Variants in CAMSAP1 observed in about 807,000 individuals in gnomAD.
CAMSAP1 encodes the protein calmodulin regulated spectrin associated protein 1.
A neutral mutation model predicts 143.5 loss-of-function variants in CAMSAP1; 58 were observed. The ratio of observed to expected loss-of-function variants is 0.40; its 90% confidence interval spans 0.33 to 0.50. CAMSAP1 has a LOEUF of 0.50. Among genes scored for constraint, CAMSAP1 ranks in the 20% least tolerant of loss-of-function variants. CAMSAP1 has a pLI of 0.45. For missense variants in CAMSAP1, 1,969 were observed against 2,115.7 expected (o/e 0.93, Z 1.36); for synonymous variants, 945 against 859.3 (o/e 1.10, Z -1.74).
At chr9:135,861,164 G>A (rs943184095) in intron 5 of CAMSAP1, among the ~76,000 whole-genome samples, 7 of 152,176 alleles carry the variant, frequency 4.6e-5, no homozygotes, top group African/African-American at 1.7e-4. Context: ...CCCAGTCACA[G>A]CTCCTGACAG....
chr9:135,893,126 C>T (rs1377194176), intron 1 of CAMSAP1, among the ~76,000 whole-genome samples: 1 of 151,674 alleles, frequency 6.6e-6, no homozygotes, highest in African/African-American at 2.4e-5. Flanking sequence ...GCCATGAATG[C>T]ACCACTGCAC....
At position 135,820,377 on chromosome 9, in the gene CAMSAP1, A is replaced by T. The variant is rs1003907185; in HGVS notation, c.3822+462T>A. The stretch of plus-strand genomic sequence containing the variant: ...CGCTTCCCTTCATATCTAAGGAAAA[A>T]ATTACAAGAAAAACATACAAAAAAT... On this transcript the variant is annotated intron_variant, in intron 11 of 16. Transcript: ENST00000389532. This position sits in a 1 kb window ranked among gnomAD's most constrained non-coding sequence, Gnocchi z 4.4. 6.6e-6 allele frequency among the ~76,000 whole-genome samples: 1 copy of T among 152,130 alleles called. No homozygotes were observed. Among genetic ancestry groups the T allele is most frequent in the African/African-American group, 2.4e-5 (1 of 41,418 alleles).
chr9:135,815,165 G>A lies in CAMSAP1; in HGVS notation c.4438C>T (p.His1480Tyr), dbSNP rs1252445116. Residue 1480 changes from histidine (H) to tyrosine (Y), a missense_variant, in exon 16 of 17, where the codon CAC (histidine) becomes TAC (tyrosine). Physicochemically the swap from His to Tyr is moderately conservative, Grantham distance 83. Transcript: ENST00000389532. ...AGGCAGCAATGGGATATGGCATTGT[G>A]AATAATCGGCTTGTTTGATTTACTA... ...PSSKSNKPIIHNAISHCCLAG... is the reference protein window; with the variant it reads ...PSSKSNKPIIYNAISHCCLAG... The A allele has an allele frequency of 1.9e-6, 3 of 1,613,898 alleles. No individual in the cohort carries two copies. The highest frequency in any genetic ancestry group is 2.5e-6 in the Non-Finnish European group (3 of 1,179,864).
intron 14 of CAMSAP1, among the ~76,000 whole-genome samples, chr9:135,817,145 T>C (rs2131642378): frequency 6.6e-6 from 1 of 152,298 alleles, no homozygotes; most frequent in Admixed American, 6.5e-5. Context: ...CGAAGGAGAC[T>C]ACAGGGACAT....
intron 5 of CAMSAP1, among the ~76,000 whole-genome samples, chr9:135,859,709 T>A (rs1018780740): frequency 3.3e-5 from 5 of 152,038 alleles, no homozygotes; most frequent in African/African-American, 1.2e-4. Context: ...TGCCATTTTT[T>A]AAAATCCATT....
Position 135,834,734 on chromosome 9 carries a change from C to A in CAMSAP1, c.1046-7150G>T, listed in dbSNP as rs74588014. ...CTATAGTTAGCAATACTATGTTGTCCGTTTGAGATCTGCTGAAAGATTTTA... is the reference window on the plus strand; with the variant it reads ...CTATAGTTAGCAATACTATGTTGTCAGTTTGAGATCTGCTGAAAGATTTTA... On this transcript the variant is annotated intron_variant, in intron 7 of 16. Coordinates refer to ENST00000389532, the MANE Select transcript of CAMSAP1 (RefSeq NM_015447.4). 9.4e-3 allele frequency among the ~76,000 whole-genome samples: 1,424 copies of A among 152,102 alleles called. 38 individuals carry two copies. The East Asian group carries it at 0.1, about 11-fold the overall frequency.
intron 3 of CAMSAP1, among the ~76,000 whole-genome samples, chr9:135,869,954 C>T (rs1227687343): frequency 2.0e-5 from 3 of 152,192 alleles, no homozygotes; most frequent in African/African-American, 4.8e-5. Context: ...TGATACCATT[C>T]ATAAAAACTG....
At position 135,821,118 on chromosome 9, in the gene CAMSAP1, A is replaced by G; in HGVS notation, c.3543T>C (p.Thr1181=). 2 of 1,613,682 alleles carry G rather than the reference A, an allele frequency of 1.2e-6. No individual in the cohort carries two copies. Among genetic ancestry groups the G allele is most frequent in the African/African-American group, 2.7e-5 (2 of 75,074 alleles). ...TGTTGGCATCTTTGGAAGAGGACAG[A>G]GTAAGTGTCCGCTGATTGCTTTCAT... ...LHDESNQRTL[T]LSSSKDANIL... Residue 1181 remains threonine (T), a synonymous_variant, in exon 11 of 17, where the codon ACT becomes ACC. Coordinates refer to ENST00000389532, the MANE Select transcript of CAMSAP1 (RefSeq NM_015447.4). This position sits in a 1 kb window ranked among gnomAD's most constrained non-coding sequence, Gnocchi z 4.6.
intron 14 of CAMSAP1, 173 bp downstream of exon 14, chr9:135,817,804 G>C: frequency 1.6e-6 from 1 of 608,840 alleles, no homozygotes; most frequent in Non-Finnish European, 2.9e-6. Flanking sequence ...TGGGGAGCCC[G>C]TGTGAAGGGC....
rs551381176 is a variant in CAMSAP1 at position 135,837,636 on chromosome 9, G to A, written c.1046-10052C>T. On this transcript the variant is annotated intron_variant, in intron 7 of 16. Transcript: ENST00000389532. ...CTGTTGTACAGACACACGTCATCACGCACTTTCTACCCCTTCTACAGACAC... is the reference window on the plus strand; with the variant it reads ...CTGTTGTACAGACACACGTCATCACACACTTTCTACCCCTTCTACAGACAC... Among the ~76,000 whole-genome samples the A allele has an allele frequency of 1.5e-3, 216 of 147,900 alleles. 2 individuals carry two copies. Among genetic ancestry groups the A allele is most frequent in the African/African-American group, 4.9e-3 (197 of 39,852 alleles).
intron 7 of CAMSAP1, 24 bp from the exon 8 acceptor site, chr9:135,827,608 C>T (rs938113503): frequency 5.2e-6 from 8 of 1,539,752 alleles, no homozygotes; most frequent in South Asian, 3.6e-5. Flanking sequence ...GTTTTTGCAT[C>T]GTTACTTACA....
intron 5 of CAMSAP1, among the ~76,000 whole-genome samples, chr9:135,854,103 T>C (rs1054869872): frequency 4.6e-5 from 7 of 152,260 alleles, no homozygotes; most frequent in Non-Finnish European, 7.3e-5. Context: ...TCTGGGACAC[T>C]TGACATAACA....
rs745808873 is a variant in CAMSAP1 at position 135,827,468 on chromosome 9, C to A, written c.1162G>T (p.Val388Leu). The change falls in exon 8 of 17, where the codon GTG (valine) becomes TTG (leucine). Residue 388 changes from valine (V) to leucine (L), a missense_variant. Val to Leu is a conservative substitution (Grantham distance 32). Coordinates refer to ENST00000389532, the MANE Select transcript of CAMSAP1 (RefSeq NM_015447.4). ...TGACAGCCTTCCGCCGGCAGCTGCA[C>A]GGGGGGCTGCAGCTCAGCCAGGGTC... is the stretch of plus-strand genomic sequence containing the variant. ...AGTLAELQPP[V>L]QLPAEGCHRH... 2 of 1,608,524 alleles carry A rather than the reference C, an allele frequency of 1.2e-6. No homozygotes were observed. Among genetic ancestry groups the A allele is most frequent in the African/African-American group, 1.3e-5 (1 of 74,840 alleles).
At chr9:135,868,745 T>C (rs779206302) in intron 3 of CAMSAP1, among the ~76,000 whole-genome samples, 52 of 150,396 alleles carry the variant, frequency 3.5e-4, no homozygotes, top group Non-Finnish European at 6.9e-4. Context: ...GCCTCCTGAA[T>C]AGTTGGGACT....
chr9:135,852,681 C>T (rs56988536), intron 5 of CAMSAP1, among the ~76,000 whole-genome samples: 27,113 of 152,094 alleles, frequency 0.18, 2,781 homozygotes, highest in African/African-American at 0.26. Context: ...CATGTGACTG[C>T]CCCGGAACCA....
At chr9:135,833,078 C>CTT (rs56081448) in intron 7 of CAMSAP1, among the ~76,000 whole-genome samples, 8 of 96,520 alleles carry the variant, frequency 8.3e-5, no homozygotes, top group Admixed American at 1.2e-4. Flanking sequence ...CCACAGTAAT[C>CTT]TTTTTTTTTT....
At position 135,877,122 on chromosome 9, in the gene CAMSAP1, G is replaced by A. The variant is rs118047382; in HGVS notation, c.585+4511C>T. On this transcript the variant is annotated intron_variant, in intron 3 of 16. Coordinates refer to ENST00000389532, the MANE Select transcript of CAMSAP1 (RefSeq NM_015447.4). ...TCCATCAACAGGTGGACAGATAAAC[G>A]AACCATGGTATATGCACACGATGGA... 3.3e-4 allele frequency among the ~76,000 whole-genome samples: 50 copies of A among 152,110 alleles called. No homozygotes were observed. The South Asian group carries it at 6.2e-3, about 19-fold the overall frequency.
At chr9:135,889,026 G>T (rs1051439792) in intron 1 of CAMSAP1, among the ~76,000 whole-genome samples, 1 of 152,224 alleles carries the variant, frequency 6.6e-6, no homozygotes, top group Non-Finnish European at 1.5e-5. Context: ...CCCTCAGAGA[G>T]GGGAGAGGAT....
At chr9:135,895,370 A>G (rs1215534921) in intron 1 of CAMSAP1, among the ~76,000 whole-genome samples, 1 of 152,208 alleles carries the variant, frequency 6.6e-6, no homozygotes, top group Non-Finnish European at 1.5e-5. Flanking sequence ...ACAAGGGAAC[A>G]CCAGCTCCAA....
Sources: gnomAD v4.1 joint callset for allele counts (sites outside exome capture counted in the v4.1 genomes callset) on GRCh38, gnomAD v4.1.1 for gene constraint, Gnocchi (gnomAD v3.1) non-coding constraint, MANE v1.5 for transcripts, NCBI Gene and HGNC (gene_info 2026-07-23, HGNC 2026-07-21) for gene names.